The following FBN1 variants were observed in gnomAD, a reference collection of about 807,000 sequenced individuals.
FBN1 encodes fibrillin 1.
In FBN1, 29 loss-of-function variants were observed where a neutral mutation model predicts 365.1. The ratio of observed to expected loss-of-function variants is 0.08; its 90% CI spans 0.06 to 0.11. The LOEUF is 0.11. FBN1 is among the 10% of genes least tolerant of loss of function. The pLI, the probability that FBN1 is intolerant of heterozygous loss-of-function variation, is 1.00. For missense variants in FBN1, 2,476 were observed against 3,703.2 expected, an observed-to-expected ratio of 0.67 and a Z score of 8.60; for synonymous variants, 1,210 against 1,270.5, an observed-to-expected ratio of 0.95 and a Z score of 1.01.
chr15:48,531,886 A>G (rs999021041), intron 8 of FBN1, among the ~76,000 whole-genome samples: 1 of 152,158 alleles, frequency 6.6e-6, no homozygotes, highest in Non-Finnish European at 1.5e-5. Context: ...GAAAAGAAGG[A>G]AAAAACCATT....
intron 29 of FBN1, 101 bp from the exon 30 acceptor site, chr15:48,485,597 G>T: frequency 7.6e-7 from 1 of 1,308,030 alleles, no homozygotes; most frequent in Non-Finnish European, 1.1e-6. Context: ...CACTATTTAA[G>T]AGGCAGGGCC....
chr15:48,644,187 C>T (rs1162288328), intron 2 of FBN1: 1 of 185,534 alleles, frequency 5.4e-6, no homozygotes, highest in Non-Finnish European at 1.1e-5. Context: ...CATGGGAATC[C>T]CTTCCTTTCC....
chr15:48,411,433 C>T, intron 65 of FBN1, 54 bp from the exon 66 acceptor site: 1 of 1,542,286 alleles, frequency 6.5e-7, no homozygotes, highest in Admixed American at 1.7e-5. Flanking sequence ...CCACTTAGCT[C>T]TCATATTAAA....
intron 15 of FBN1, among the ~76,000 whole-genome samples, chr15:48,507,779 A>G (rs2043722966): frequency 6.6e-6 from 1 of 152,062 alleles, no homozygotes. Flanking sequence ...ATTTTAGCAG[A>G]TTTTCTGGAC....
At position 48,495,125 on chromosome 15, in the gene FBN1, A is replaced by G. The variant is rs2043594164; in HGVS notation, c.2675T>C (p.Val892Ala). The G allele has an allele frequency of 6.2e-7, 1 of 1,613,974 alleles. No individual in the cohort carries two copies. Among genetic ancestry groups the G allele is most frequent in the African/African-American group, 1.3e-5 (1 of 74,932 alleles). Residue 892 changes from valine to alanine, a missense_variant and splice_region_variant, in exon 22 of 66, where the codon GTT becomes GCT. Around this residue, in one of 5 missense-constraint regions of FBN1, gnomAD observed 1,780 missense variants for 2,840.8 expected, o/e 0.63. Coordinates refer to ENST00000316623, the MANE Select transcript of FBN1 (RefSeq NM_000138.5). ...ACCACAGCATGGGTTTCTCTTACCA[A>G]CTTGGCATAGGGTGCACGGGCTTCC... The part of the protein sequence containing the change: ...AWGSPCTLCQ[V>A]DPICGKGYSR...
intron 65 of FBN1, among the ~76,000 whole-genome samples, chr15:48,412,335 C>CA (rs1265499981): frequency 1.3e-5 from 2 of 152,090 alleles, no homozygotes; most frequent in Non-Finnish European, 2.9e-5. Context: ...TTTGGCGAGA[C>CA]AGAGGAAATG....
chr15:48,524,864 A>G (rs1483467568), intron 9 of FBN1, among the ~76,000 whole-genome samples: 7 of 152,200 alleles, frequency 4.6e-5, no homozygotes, highest in Non-Finnish European at 8.8e-5. Flanking sequence ...GTTCCCTTCC[A>G]TTCCTCCTTT....
chr15:48,498,236 C>T (rs2043623930), intron 18 of FBN1, among the ~76,000 whole-genome samples: 1 of 151,902 alleles, frequency 6.6e-6, no homozygotes, highest in Admixed American at 6.6e-5. Context: ...ACTCCTTATT[C>T]GTTATAAGTT....
At chr15:48,644,989 T>C (rs1890270558) in intron 1 of FBN1, 39 bp from the exon 2 acceptor site, 1 of 361,870 alleles carries the variant, frequency 2.8e-6, no homozygotes, top group South Asian at 1.0e-4. Context: ...GGGGAGACTT[T>C]CAGGGCATCG....
chr15:48,456,311 C>T (rs1453447646), intron 44 of FBN1, among the ~76,000 whole-genome samples: 2 of 152,310 alleles, frequency 1.3e-5, no homozygotes, highest in South Asian at 2.1e-4. Context: ...TCCACTCATA[C>T]TGATTTTCCA....
At chr15:48,489,717 A>C in intron 25 of FBN1, 134 bp downstream of exon 25, 1 of 771,808 alleles carries the variant, frequency 1.3e-6, no homozygotes, top group South Asian at 1.6e-5. Context: ...TACTTTTCTA[A>C]ACAAAGATAA....
intron 60 of FBN1, among the ~76,000 whole-genome samples, chr15:48,423,102 A>G (rs868060414): frequency 1.3e-5 from 2 of 152,204 alleles, no homozygotes; most frequent in Non-Finnish European, 2.9e-5. Flanking sequence ...CTCAACTCCA[A>G]TGTTATTTCA....
chr15:48,619,071 C>T (rs557522008), intron 2 of FBN1, among the ~76,000 whole-genome samples: 3 of 152,008 alleles, frequency 2.0e-5, no homozygotes, highest in Admixed American at 1.3e-4. Flanking sequence ...ATCCTGAAAC[C>T]ATCCCCCCAT....
At chr15:48,431,681 G>C (rs1287031617) in intron 55 of FBN1, among the ~76,000 whole-genome samples, 1 of 151,832 alleles carries the variant, frequency 6.6e-6, no homozygotes, top group Non-Finnish European at 1.5e-5. Flanking sequence ...TTGAGATGGA[G>C]TCTCACTCCG....
At chr15:48,629,138 C>T (rs907977516) in intron 2 of FBN1, among the ~76,000 whole-genome samples, 1 of 152,176 alleles carries the variant, frequency 6.6e-6, no homozygotes, top group Non-Finnish European at 1.5e-5. Context: ...AAGCTAGAAT[C>T]TAAACCATCT....
At chr15:48,620,833 T>C (rs958637583) in intron 2 of FBN1, among the ~76,000 whole-genome samples, 2 of 152,158 alleles carry the variant, frequency 1.3e-5, no homozygotes, top group African/African-American at 2.4e-5. Context: ...CTAATACTAT[T>C]ATTCAATAAA....
chr15:48,618,811 T>C (rs914327287), intron 2 of FBN1, among the ~76,000 whole-genome samples: 4 of 152,142 alleles, frequency 2.6e-5, no homozygotes, highest in East Asian at 1.9e-4. Context: ...TAGATTCTCA[T>C]AGAAGCACAA....
intron 18 of FBN1, among the ~76,000 whole-genome samples, chr15:48,498,776 C>T (rs1257086748): frequency 1.3e-5 from 2 of 152,136 alleles, no homozygotes; most frequent in South Asian, 4.2e-4. Flanking sequence ...TGGCCAAGTC[C>T]CACAGCCACA....
Position 48,516,057 on chromosome 15 carries a change from G to A in FBN1, c.1327+126C>T. 3.0e-6 allele frequency: 3 copies of A among 996,830 alleles called. No homozygotes were observed. The South Asian group carries it at 4.5e-5, about 15-fold the overall frequency. 61.7% of individuals were successfully genotyped at this position (996,830 alleles called of 1,614,324 possible). A position where few individuals can be genotyped will look rare whatever the true frequency, so the allele number is the denominator to read the frequency against. On this transcript the variant is annotated intron_variant, in intron 11 of 65. Transcript: ENST00000316623. ...ATGATATAGATATAGATAACATTAT[G>A]TAAACCAAAAATTAATATAACAATT...
Sources: gnomAD v4.1 joint callset for allele counts (sites outside exome capture counted in the v4.1 genomes callset) on GRCh38, gnomAD v4.1.1 for gene constraint, gnomAD v4.1.1 regional missense constraint, MANE v1.5 for transcripts, NCBI Gene and HGNC (gene_info 2026-07-23, HGNC 2026-07-21) for gene names.